PAPPA: variants seen among roughly 807,000 people sequenced by gnomAD.
PAPPA encodes the protein pappalysin-1.
PAPPA carries 60 observed loss-of-function variants against 164.0 expected under a neutral mutation model. The ratio of observed to expected loss-of-function variants is 0.37; its 90% CI spans 0.30 to 0.45. PAPPA has a LOEUF of 0.45. Ranked by LOEUF, PAPPA falls within the 20% of genes least tolerant of loss-of-function variation. The pLI is 1.00. For synonymous variants in PAPPA, 875 were observed against 814.1 expected, an observed-to-expected ratio of 1.07 and a Z score of -1.27; for missense variants, 1,782 against 2,087.3, an observed-to-expected ratio of 0.85 and a Z score of 2.85.
chr9:116,156,839 T>A (rs1440693729), intron 1 of PAPPA, among the ~76,000 whole-genome samples: 1 of 152,176 alleles, frequency 6.6e-6, no homozygotes, highest in African/African-American at 2.4e-5. Flanking sequence ...GCAGAAGTAC[T>A]TTTTCAGCTC....
intron 4 of PAPPA, among the ~76,000 whole-genome samples, chr9:116,214,892 A>G (rs1301105578): frequency 1.3e-5 from 2 of 152,228 alleles, no homozygotes; most frequent in Non-Finnish European, 2.9e-5. Flanking sequence ...GAATATATCC[A>G]AAGCAAATAA....
intron 19 of PAPPA, chr9:116,373,190 G>A (rs1196558432): frequency 6.6e-6 from 1 of 152,186 alleles, no homozygotes; most frequent in Admixed American, 6.5e-5. Context: ...CATAGACAAA[G>A]AGATGCAGCC....
intron 2 of PAPPA, among the ~76,000 whole-genome samples, chr9:116,196,574 G>C (rs188249518): frequency 2.4e-4 from 37 of 152,336 alleles, no homozygotes; most frequent in African/African-American, 8.4e-4. Flanking sequence ...CAAACTCACT[G>C]CTGGGCAGTT....
intron 1 of PAPPA, among the ~76,000 whole-genome samples, chr9:116,169,310 C>CTTTTATTTTTTTTTTTTTT (rs1843748776): frequency 1.9e-5 from 1 of 52,154 alleles, no homozygotes; most frequent in Admixed American, 2.2e-4. Context: ...CAAACCCATT[C>CTTTTATTTTTTTTTTTTTT]TTTTTTTTTT....
chr9:116,262,666 G>A (rs1343424227), intron 7 of PAPPA, among the ~76,000 whole-genome samples: 3 of 152,166 alleles, frequency 2.0e-5, no homozygotes, highest in East Asian at 1.9e-4. Flanking sequence ...AAAGGATGAC[G>A]TGGAAACTCC....
chr9:116,276,265 G>A (rs1157040277), intron 9 of PAPPA, among the ~76,000 whole-genome samples: 3 of 152,198 alleles, frequency 2.0e-5, no homozygotes, highest in African/African-American at 7.2e-5. Context: ...CAGACAAAAT[G>A]TGAAGGGTCC....
intron 10 of PAPPA, among the ~76,000 whole-genome samples, 183 bp from the exon 11 acceptor site, chr9:116,331,060 GT>G (rs1197062517): frequency 2.0e-5 from 3 of 152,116 alleles, no homozygotes; most frequent in African/African-American, 7.2e-5. Flanking sequence ...CCTTAAAAGT[GT>G]TGAGGATTAC....
Position 116,302,794 on chromosome 9 carries a change from G to T in PAPPA, c.2991G>T (p.Gly997=). 2 of 1,613,692 alleles carry T rather than the reference G, an allele frequency of 1.2e-6. No individual in the cohort carries two copies. The highest frequency in any genetic ancestry group is 1.7e-6 in the Non-Finnish European group (2 of 1,179,814). The change falls in exon 10 of 22, where the codon GGG becomes GGT. Residue 997 remains glycine (G), a synonymous_variant. Transcript: ENST00000328252. ...PSRCYFHDGD[G]VCEEFEQKTS... ...GGTGCTATTTCCATGATGGTGATGG[G>T]GTATGTGAGGAGTTTGAACAAAAAA...
rs59493985 is a variant in PAPPA at position 116,346,601 on chromosome 9, C to T, written c.3781-425C>T. ...AGCTAATAAAAGACATACAAATCAACACTTGATGTCCTACCATTGAACTGT... is the reference window on the plus strand; with the variant it reads ...AGCTAATAAAAGACATACAAATCAATACTTGATGTCCTACCATTGAACTGT... On this transcript the variant is annotated intron_variant, in intron 14 of 21. Transcript: ENST00000328252. 2.6e-5 allele frequency among the ~76,000 whole-genome samples: 4 copies of T among 152,268 alleles called. No homozygotes were observed. The South Asian group carries it at 6.2e-4, about 24-fold the overall frequency.
chr9:116,185,845 A>G (rs1843963085), intron 1 of PAPPA, among the ~76,000 whole-genome samples: 1 of 152,072 alleles, frequency 6.6e-6, no homozygotes, highest in African/African-American at 2.4e-5. Flanking sequence ...ATTGAACTCA[A>G]ATTTGTGACA....
chr9:116,178,755 C>T (rs1564174952), intron 1 of PAPPA, among the ~76,000 whole-genome samples: 1 of 152,170 alleles, frequency 6.6e-6, no homozygotes, highest in Non-Finnish European at 1.5e-5. Context: ...ATGTATCATC[C>T]CCATTTTACA....
At chr9:116,272,249 G>T (rs1235839387) in intron 9 of PAPPA, among the ~76,000 whole-genome samples, 1 of 152,248 alleles carries the variant, frequency 6.6e-6, no homozygotes, top group African/African-American at 2.4e-5. Flanking sequence ...GAAGATCAAA[G>T]GTCCCCCAGC....
intron 7 of PAPPA, among the ~76,000 whole-genome samples, chr9:116,253,782 A>C (rs933258764): frequency 1.3e-5 from 2 of 152,238 alleles, no homozygotes; most frequent in Non-Finnish European, 2.9e-5. Context: ...CCATTCAGTA[A>C]AGAAGGACAT....
At chr9:116,225,652 CTCT>C (rs1332772817) in intron 5 of PAPPA, among the ~76,000 whole-genome samples, 1 of 152,158 alleles carries the variant, frequency 6.6e-6, no homozygotes, top group Non-Finnish European at 1.5e-5. Context: ...TTTAATGATT[CTCT>C]TATCACTGAA....
At chr9:116,235,983 G>A (rs1317195656) in intron 7 of PAPPA, among the ~76,000 whole-genome samples, 1 of 152,164 alleles carries the variant, frequency 6.6e-6, no homozygotes, top group Non-Finnish European at 1.5e-5. Flanking sequence ...TAGAAGAACT[G>A]AAGTTTGCTA....
chr9:116,394,034 G>A (rs1045850358), intron 21 of PAPPA, among the ~76,000 whole-genome samples: 1 of 152,150 alleles, frequency 6.6e-6, no homozygotes, highest in Non-Finnish European at 1.5e-5. Flanking sequence ...CCTCATGGGT[G>A]TTTGAGCTCA....
At chr9:116,335,300 C>A (rs371556076) in intron 13 of PAPPA, among the ~76,000 whole-genome samples, 1 of 152,146 alleles carries the variant, frequency 6.6e-6, no homozygotes, top group African/African-American at 2.4e-5. Context: ...ACCTCATTCA[C>A]CTGGCTTGCA....
At chr9:116,223,246 T>C (rs1388276279) in intron 5 of PAPPA, among the ~76,000 whole-genome samples, 1 of 152,170 alleles carries the variant, frequency 6.6e-6, no homozygotes, top group Non-Finnish European at 1.5e-5. Context: ...GGCCATAGAT[T>C]TATTTACTTT....
chr9:116,373,005 A>T (rs189487787), intron 19 of PAPPA, among the ~76,000 whole-genome samples: 17 of 152,310 alleles, frequency 1.1e-4, no homozygotes, highest in African/African-American at 4.1e-4. Flanking sequence ...CATGTCTTTT[A>T]AAAATATGCA....
Sources: allele counts gnomAD v4.1 joint callset (sites outside exome capture counted in the v4.1 genomes callset), GRCh38; gene constraint gnomAD v4.1.1; transcripts MANE v1.5; gene names NCBI Gene and HGNC (gene_info 2026-07-23, HGNC 2026-07-21).